Variants in MAP7 observed in about 807,000 individuals in gnomAD.
MAP7 encodes ensconsin.
In MAP7, 52 loss-of-function variants were observed where a neutral mutation model predicts 94.8. That is an observed-to-expected ratio of 0.55 (90% CI 0.44 to 0.69). The LOEUF (loss-of-function observed/expected upper bound fraction) is 0.69, where lower values mean the gene tolerates loss of function less well. MAP7 is among the 30% of genes least tolerant of loss of function. The pLI is 0.00. For missense variants in MAP7, 940 were observed against 964.6 expected (o/e 0.97, Z 0.34); for synonymous variants, 350 against 357.0 (o/e 0.98, Z 0.22).
intron 3 of MAP7, among the ~76,000 whole-genome samples, chr6:136,406,505 T>C (rs1202424093): frequency 6.6e-6 from 1 of 152,158 alleles, no homozygotes; most frequent in African/African-American, 2.4e-5. Context: ...GGTGATCCTG[T>C]ACATACTAAA....
At chr6:136,447,570 T>C (rs1391505679) in intron 1 of MAP7, among the ~76,000 whole-genome samples, 1 of 152,248 alleles carries the variant, frequency 6.6e-6, no homozygotes, top group African/African-American at 2.4e-5. Flanking sequence ...GAAAAAATGT[T>C]TTAATATTAT....
chr6:136,447,856 A>T (rs976875403), intron 1 of MAP7, among the ~76,000 whole-genome samples: 1 of 152,218 alleles, frequency 6.6e-6, no homozygotes, highest in Admixed American at 6.5e-5. Flanking sequence ...AGCATAATCA[A>T]GCAGTTGGAA....
At chr6:136,427,532 G>A (rs938427409) in intron 1 of MAP7, among the ~76,000 whole-genome samples, 2 of 152,136 alleles carry the variant, frequency 1.3e-5, no homozygotes, top group African/African-American at 4.8e-5. Flanking sequence ...TTCATGGTAT[G>A]GTGCAACATC....
chr6:136,390,254 C>A (rs1780324689), intron 3 of MAP7, among the ~76,000 whole-genome samples: 1 of 152,118 alleles, frequency 6.6e-6, no homozygotes, highest in Non-Finnish European at 1.5e-5. Flanking sequence ...CTAAAAATAT[C>A]TATGAGTTAT....
intron 1 of MAP7, among the ~76,000 whole-genome samples, chr6:136,489,331 T>C (rs1583051091): frequency 6.6e-6 from 1 of 152,316 alleles, no homozygotes; most frequent in East Asian, 1.9e-4. Context: ...TATGTTTCTT[T>C]TGCTATTAAC....
chr6:136,373,978 T>G (rs1381825204), intron 7 of MAP7, among the ~76,000 whole-genome samples: 1 of 152,228 alleles, frequency 6.6e-6, no homozygotes, highest in Non-Finnish European at 1.5e-5. Context: ...TTGTTCTGCT[T>G]TGAGACAGGA....
chr6:136,476,368 G>A (rs963706574), intron 1 of MAP7, among the ~76,000 whole-genome samples: 9 of 152,134 alleles, frequency 5.9e-5, no homozygotes, highest in Non-Finnish European at 8.8e-5. Context: ...CTTAGTTGCA[G>A]TAGCCACAGT....
intron 1 of MAP7, among the ~76,000 whole-genome samples, chr6:136,459,648 C>G (rs972291071): frequency 5.9e-5 from 9 of 152,078 alleles, no homozygotes; most frequent in Non-Finnish European, 1.0e-4. Context: ...AAGCCAATCA[C>G]AGAAGGACAA....
intron 3 of MAP7, among the ~76,000 whole-genome samples, chr6:136,401,659 A>G (rs1325555952): frequency 6.6e-6 from 1 of 152,138 alleles, no homozygotes; most frequent in Non-Finnish European, 1.5e-5. Flanking sequence ...GAGGGATAGC[A>G]TTAGGAGATA....
At chr6:136,362,172 A>G (rs1484596047) in intron 11 of MAP7, among the ~76,000 whole-genome samples, 1 of 152,152 alleles carries the variant, frequency 6.6e-6, no homozygotes, top group Non-Finnish European at 1.5e-5. Flanking sequence ...TGCAATCTCA[A>G]CACTTTGGGA....
intron 1 of MAP7, among the ~76,000 whole-genome samples, chr6:136,504,345 T>G (rs1335837920): frequency 1.3e-5 from 2 of 151,838 alleles, no homozygotes; most frequent in African/African-American, 4.8e-5. Flanking sequence ...CATCGTTTTT[T>G]GTTTTGTTTT....
chr6:136,515,429 C>T (rs1824515928), intron 1 of MAP7, among the ~76,000 whole-genome samples: 3 of 152,180 alleles, frequency 2.0e-5, no homozygotes, highest in African/African-American at 4.8e-5. Context: ...GGCTGTTTGG[C>T]GCAAGAGGCC....
chr6:136,422,366 TG>T (rs1160823775), intron 1 of MAP7, among the ~76,000 whole-genome samples: 1 of 152,118 alleles, frequency 6.6e-6, no homozygotes, highest in Non-Finnish European at 1.5e-5. Flanking sequence ...TAAATGCTTT[TG>T]GGGGTGGGGT....
intron 16 of MAP7, among the ~76,000 whole-genome samples, chr6:136,355,883 A>T (rs1187639983): frequency 1.3e-5 from 2 of 152,224 alleles, no homozygotes; most frequent in Non-Finnish European, 2.9e-5. Context: ...AAATGTTCAT[A>T]TGATGCTGTT....
intron 3 of MAP7, among the ~76,000 whole-genome samples, chr6:136,395,574 G>C (rs974274348): frequency 6.6e-6 from 1 of 151,882 alleles, no homozygotes; most frequent in Non-Finnish European, 1.5e-5. Flanking sequence ...AATCCTATTT[G>C]TCTATTTTTG....
At chr6:136,449,189 G>A (rs1318285473) in intron 1 of MAP7, among the ~76,000 whole-genome samples, 1 of 152,116 alleles carries the variant, frequency 6.6e-6, no homozygotes, top group Non-Finnish European at 1.5e-5. Flanking sequence ...CAGCTACTGG[G>A]GAGGCTGAGG....
At chr6:136,439,922 C>T (rs1797366058) in intron 1 of MAP7, among the ~76,000 whole-genome samples, 1 of 152,150 alleles carries the variant, frequency 6.6e-6, no homozygotes, top group African/African-American at 2.4e-5. Flanking sequence ...CATGCCCGGT[C>T]TCGCTCCTTC....
intron 1 of MAP7, among the ~76,000 whole-genome samples, chr6:136,498,420 AAC>A (rs1818913818): frequency 6.6e-6 from 1 of 152,208 alleles, no homozygotes; most frequent in South Asian, 2.1e-4. Flanking sequence ...TGAAAGGAGA[AAC>A]AGTCACAAAT....
chr6:136,415,518 C>T (rs761785227), intron 2 of MAP7, among the ~76,000 whole-genome samples: 4 of 152,146 alleles, frequency 2.6e-5, no homozygotes, highest in Non-Finnish European at 5.9e-5. Context: ...CCTGACAGCC[C>T]CAAGTCATAG....
Sources: allele counts gnomAD v4.1 joint callset (sites outside exome capture counted in the v4.1 genomes callset), GRCh38; gene constraint gnomAD v4.1.1; transcripts MANE v1.5; gene names NCBI Gene and HGNC (gene_info 2026-07-23, HGNC 2026-07-21).